DPYD: variants seen among roughly 807,000 people sequenced by gnomAD.
DPYD encodes dihydropyrimidine dehydrogenase, also known as dihydropyrimidine dehydrogenase [NADP(+)].
In DPYD, 109 loss-of-function variants were observed where a neutral mutation model predicts 116.2. The ratio of observed to expected loss-of-function variants is 0.94; its 90% CI spans 0.80 to 1.10. DPYD has a LOEUF of 1.10. DPYD is among the 50% of genes least tolerant of loss of function. DPYD has a pLI of 0.00. For missense variants in DPYD, 1,302 were observed against 1,254.5 expected, an observed-to-expected ratio of 1.04 and a Z score of -0.57; for synonymous variants, 440 against 432.0, an observed-to-expected ratio of 1.02 and a Z score of -0.23.
intron 12 of DPYD, among the ~76,000 whole-genome samples, chr1:97,526,632 C>T (rs992893255): frequency 2.0e-5 from 3 of 152,080 alleles, no homozygotes; most frequent in Admixed American, 1.3e-4. Flanking sequence ...TCAGGCTTGG[C>T]CAATATTGTG....
chr1:97,172,129 C>T (rs71656170), intron 20 of DPYD, among the ~76,000 whole-genome samples: 1,527 of 152,208 alleles, frequency 0.01, 8 homozygotes, highest in South Asian at 0.02. Context: ...GAATTTGAAC[C>T]GCCCTCATTG....
At chr1:97,583,955 T>G (rs142272269) in intron 10 of DPYD, among the ~76,000 whole-genome samples, 2 of 152,014 alleles carry the variant, frequency 1.3e-5, no homozygotes, top group Non-Finnish European at 2.9e-5. Flanking sequence ...GGTCAAATGG[T>G]ATTTCTAGTT....
chr1:97,607,066 A>G (rs1655643763), intron 8 of DPYD, among the ~76,000 whole-genome samples: 1 of 151,998 alleles, frequency 6.6e-6, no homozygotes, highest in Non-Finnish European at 1.5e-5. Context: ...ATGGCATTCA[A>G]AACTGTGCCT....
At chr1:97,579,580 T>G (rs1653499602) in intron 10 of DPYD, among the ~76,000 whole-genome samples, 1 of 152,244 alleles carries the variant, frequency 6.6e-6, no homozygotes, top group South Asian at 2.1e-4. Flanking sequence ...ACCAGCCTTC[T>G]GTGACAAGTA....
chr1:97,333,678 G>A (rs922959772), intron 16 of DPYD, among the ~76,000 whole-genome samples: 5 of 150,360 alleles, frequency 3.3e-5, no homozygotes, highest in South Asian at 2.1e-4. Context: ...CTGCCACCAC[G>A]CCTGGCTAAT....
intron 14 of DPYD, among the ~76,000 whole-genome samples, chr1:97,448,303 C>A (rs1303250585): frequency 6.6e-6 from 1 of 152,160 alleles, no homozygotes; most frequent in Non-Finnish European, 1.5e-5. Flanking sequence ...AAGCAAATTT[C>A]AAGTTCAAAT....
intron 8 of DPYD, among the ~76,000 whole-genome samples, chr1:97,602,791 A>T (rs958661589): frequency 6.6e-6 from 1 of 151,902 alleles, no homozygotes; most frequent in African/African-American, 2.4e-5. Context: ...TTGGACAAAA[A>T]AAAGAAGTAC....
intron 13 of DPYD, among the ~76,000 whole-genome samples, chr1:97,485,651 A>T (rs549622299): frequency 6.6e-6 from 1 of 151,510 alleles, no homozygotes; most frequent in East Asian, 1.9e-4. Flanking sequence ...TGATTTCTAG[A>T]TTTATTTGGT....
In DPYD at chr1:97,697,781, G is replaced by C. The variant is rs958745735; in HGVS notation, c.680+1570C>G. Among the ~76,000 whole-genome samples, 17 of 152,056 alleles carry C rather than the reference G, an allele frequency of 1.1e-4. 1 individual carries two copies. The South Asian group carries it at 2.5e-3, about 22-fold the overall frequency. ...CTGCATTTGAGTTAAAAAAGAGATAGGCTAACAACAGTAATCTACCAAAAT... is the reference window on the plus strand; with the variant it reads ...CTGCATTTGAGTTAAAAAAGAGATACGCTAACAACAGTAATCTACCAAAAT... On this transcript the variant is annotated intron_variant, in intron 6 of 22. Coordinates refer to ENST00000370192, the MANE Select transcript of DPYD (RefSeq NM_000110.4).
chr1:97,154,677 C>T (rs1655305365), intron 20 of DPYD, among the ~76,000 whole-genome samples: 1 of 150,004 alleles, frequency 6.7e-6, no homozygotes, highest in Non-Finnish European at 1.5e-5. Flanking sequence ...CGCCACTGCC[C>T]TCCTGGGCAA....
In DPYD at chr1:97,211,890, G is replaced by A. The variant is rs7551099; in HGVS notation, c.2443-18642C>T. Among the ~76,000 whole-genome samples the A allele has an allele frequency of 4.3e-3, 653 of 152,014 alleles. 5 individuals are homozygous for A. The highest frequency in any genetic ancestry group is 0.015 in the African/African-American group (618 of 41,486). On this transcript the variant is annotated intron_variant, in intron 19 of 22. Coordinates refer to ENST00000370192, the MANE Select transcript of DPYD (RefSeq NM_000110.4). ...AATAAAGGTATTATGTCATTTTCCC[G>A]TAAGACTTTGAAGAAATAGAACTCC...
chr1:97,789,412 T>G (rs1055159109), intron 3 of DPYD, among the ~76,000 whole-genome samples: 3 of 152,200 alleles, frequency 2.0e-5, no homozygotes, highest in Non-Finnish European at 4.4e-5. Context: ...TTAACAGCAT[T>G]TCTTTCTTTT....
At chr1:97,287,624 T>G (rs1665798479) in intron 18 of DPYD, among the ~76,000 whole-genome samples, 1 of 152,170 alleles carries the variant, frequency 6.6e-6, no homozygotes, top group Non-Finnish European at 1.5e-5. Context: ...TAAGCAAGCC[T>G]GGGTAATGGC....
chr1:97,292,722 G>GCACACA (rs71765073), intron 18 of DPYD, among the ~76,000 whole-genome samples: 29,325 of 149,816 alleles, frequency 0.2, 3,535 homozygotes, highest in Admixed American at 0.34. Flanking sequence ...ACACGCGCGA[G>GCACACA]CACACACACA....
intron 14 of DPYD, among the ~76,000 whole-genome samples, chr1:97,406,646 G>A (rs907656186): frequency 2.6e-5 from 4 of 151,224 alleles, no homozygotes; most frequent in Non-Finnish European, 4.4e-5. Context: ...TTGGTGGGGT[G>A]TAAATTAGCT....
intron 13 of DPYD, among the ~76,000 whole-genome samples, chr1:97,490,395 A>T (rs1678904938): frequency 6.8e-6 from 1 of 147,986 alleles, no homozygotes; most frequent in South Asian, 2.1e-4. Flanking sequence ...TATATATTAC[A>T]TATATTACAA....
chr1:97,752,317 C>T (rs1194648663), intron 3 of DPYD, among the ~76,000 whole-genome samples: 2 of 147,528 alleles, frequency 1.4e-5, no homozygotes, highest in Non-Finnish European at 3.1e-5. Context: ...CACACACACA[C>T]ACACACATAC....
chr1:97,347,248 A>G (rs1669904762), intron 16 of DPYD, among the ~76,000 whole-genome samples: 1 of 151,982 alleles, frequency 6.6e-6, no homozygotes, highest in Non-Finnish European at 1.5e-5. Flanking sequence ...TGATGTTTGC[A>G]GCAGATATTT....
Position 97,523,435 on chromosome 1 carries a change from G to A in DPYD, c.1525-7494C>T, listed in dbSNP as rs143259594. On this transcript the variant is annotated intron_variant, in intron 12 of 22. Transcript: ENST00000370192. ...CTCCATGACAAGTATAGACCATCAGGAGCCCCAAATATATATGCATTACAC... is the reference window on the plus strand; with the variant it reads ...CTCCATGACAAGTATAGACCATCAGAAGCCCCAAATATATATGCATTACAC... Among the ~76,000 whole-genome samples, 439 of 152,054 alleles carry A rather than the reference G, an allele frequency of 2.9e-3. 4 individuals carry two copies. The highest frequency in any genetic ancestry group is 0.01 in the African/African-American group (426 of 41,492).
Sources: gnomAD v4.1 joint callset for allele counts (sites outside exome capture counted in the v4.1 genomes callset) on GRCh38, gnomAD v4.1.1 for gene constraint, MANE v1.5 for transcripts, NCBI Gene and HGNC (gene_info 2026-07-23, HGNC 2026-07-21) for gene names.